HTR2C: variants seen among roughly 807,000 people sequenced by gnomAD.
HTR2C encodes the protein 5-hydroxytryptamine (serotonin) receptor 2C, G protein-coupled.
In HTR2C, 5 loss-of-function variants were observed where a neutral mutation model predicts 21.0. That is an observed-to-expected ratio of 0.24 (90% confidence interval 0.12 to 0.50). The LOEUF is 0.50. Ranked by LOEUF, HTR2C falls within the 20% of genes least tolerant of loss-of-function variation. The probability of loss-of-function intolerance (pLI) is 0.98; values close to 1 mark genes in which losing one functional copy is unlikely to be tolerated. For synonymous variants in HTR2C, 150 were observed against 145.3 expected, an observed-to-expected ratio of 1.03 and a Z score of -0.23; for missense variants, 271 against 371.2, an observed-to-expected ratio of 0.73 and a Z score of 2.22.
rs782225457 is a variant in HTR2C at position 114,615,186 on chromosome X, A to G, written c.-80+1305A>G. 1.3e-4 allele frequency among the ~76,000 whole-genome samples: 14 copies of G among 111,842 alleles called. No individual in the cohort carries two copies. In the South Asian group the frequency reaches 4.8e-3, roughly 39 times the overall value. On this transcript the variant is annotated intron_variant, in intron 2 of 5. Transcript: ENST00000276198. ...TCAAAAATAAAAGAAATAAGAAAAC[A>G]GTGATTTGACATCAAGACAGTTGCA...
chrX:114,598,646 G>T (rs922658630), intron 1 of HTR2C, among the ~76,000 whole-genome samples: 1 of 111,147 alleles, frequency 9.0e-6, no homozygotes, highest in African/African-American at 3.3e-5. Context: ...AAAATTAATA[G>T]TCCAAATACC....
intron 5 of HTR2C, among the ~76,000 whole-genome samples, chrX:114,880,687 AGTC>A (rs1326664242): frequency 4.5e-5 from 5 of 111,462 alleles, no homozygotes; most frequent in Non-Finnish European, 7.6e-5. Flanking sequence ...TGTAATATGT[AGTC>A]TTACGTGATT....
intron 5 of HTR2C, among the ~76,000 whole-genome samples, chrX:114,883,111 A>C (rs2071194603): frequency 9.1e-6 from 1 of 110,027 alleles, no homozygotes; most frequent in African/African-American, 3.3e-5. Flanking sequence ...CTTTCTAAAA[A>C]TTTGACCATT....
chrX:114,653,481 G>A lies in HTR2C; in HGVS notation c.-80+39600G>A, dbSNP rs186159084. Among the ~76,000 whole-genome samples, 26 of 110,216 alleles carry A rather than the reference G, an allele frequency of 2.4e-4. No individual in the cohort carries two copies. In the East Asian group the frequency reaches 6.3e-3, roughly 27 times the overall value. Reference sequence around the variant, plus strand: ...GTGTTAGGAGAAAAGCAAACTGATTGTCCCACCCAAAATATTTATGCCTGT... The same window carrying A: ...GTGTTAGGAGAAAAGCAAACTGATTATCCCACCCAAAATATTTATGCCTGT... On this transcript the variant is annotated intron_variant, in intron 2 of 5. Transcript: ENST00000276198.
chrX:114,623,185 T>C (rs1929232022), intron 2 of HTR2C, among the ~76,000 whole-genome samples: 1 of 112,100 alleles, frequency 8.9e-6, no homozygotes, highest in South Asian at 3.7e-4. Flanking sequence ...CTGGTTATTA[T>C]TACCTATATT....
chrX:114,866,957 A>AG (rs35625302), intron 5 of HTR2C, among the ~76,000 whole-genome samples: 1 of 110,838 alleles, frequency 9.0e-6, no homozygotes, highest in African/African-American at 3.3e-5. Flanking sequence ...CAATGCTGCA[A>AG]AAACATAGAA....
intron 5 of HTR2C, among the ~76,000 whole-genome samples, chrX:114,900,753 C>T (rs1293801708): frequency 1.8e-5 from 2 of 112,025 alleles, no homozygotes; most frequent in Non-Finnish European, 3.8e-5. Context: ...TTTTGTATCA[C>T]TATTTATTAT....
intron 5 of HTR2C, among the ~76,000 whole-genome samples, chrX:114,873,701 T>C (rs782144040): frequency 8.9e-6 from 1 of 111,775 alleles, no homozygotes; most frequent in Non-Finnish European, 1.9e-5. Context: ...GTGTACACTG[T>C]GATGATTTGA....
intron 4 of HTR2C, among the ~76,000 whole-genome samples, chrX:114,752,501 G>A (rs782686802): frequency 1.3e-4 from 14 of 110,834 alleles, no homozygotes; most frequent in African/African-American, 4.6e-4. Context: ...GAATTTTAAG[G>A]CTCATGATCA....
At chrX:114,897,164 C>A (rs2147532559) in intron 5 of HTR2C, among the ~76,000 whole-genome samples, 1 of 111,966 alleles carries the variant, frequency 8.9e-6, no homozygotes, top group Admixed American at 9.5e-5. Context: ...CAAGCCTGTT[C>A]TTTTTGTTAA....
intron 2 of HTR2C, among the ~76,000 whole-genome samples, chrX:114,614,884 T>G (rs1467579866): frequency 5.4e-5 from 6 of 111,868 alleles, no homozygotes; most frequent in Middle Eastern, 4.3e-3. Context: ...GACTCCAGAC[T>G]GCATGGGGAA....
intron 2 of HTR2C, among the ~76,000 whole-genome samples, chrX:114,676,453 A>G (rs1556412710): frequency 8.9e-6 from 1 of 112,176 alleles, no homozygotes; most frequent in Non-Finnish European, 1.9e-5. Flanking sequence ...TGAGGTAAAA[A>G]AAAAAGGACT....
At chrX:114,666,350 G>A (rs782317233) in intron 2 of HTR2C, among the ~76,000 whole-genome samples, 23 of 111,791 alleles carry the variant, frequency 2.1e-4, no homozygotes, top group African/African-American at 6.5e-4. Context: ...AGGTGCAATC[G>A]TCACAAAAAT....
At chrX:114,804,688 A>T (rs2070384651) in intron 4 of HTR2C, among the ~76,000 whole-genome samples, 2 of 111,705 alleles carry the variant, frequency 1.8e-5, no homozygotes, top group Admixed American at 1.9e-4. Context: ...TTTGCCCCAT[A>T]GCATCCTGTG....
rs782632667 is a variant in HTR2C, at chrX:114,619,563, C to G, written c.-80+5682C>G. 5.6e-4 allele frequency among the ~76,000 whole-genome samples: 62 copies of G among 111,102 alleles called. 1 individual carries two copies. The highest frequency in any genetic ancestry group is 1.9e-3 in the Admixed American group (20 of 10,315). ...TCACAGGGCCTTGCCAGAAATTGTG[C>G]CTTCTGTTGTGAATACTACCTTGCA... is the stretch of plus-strand genomic sequence containing the variant. On this transcript the variant is annotated intron_variant, in intron 2 of 5. Coordinates refer to ENST00000276198, the MANE Select transcript of HTR2C (RefSeq NM_000868.4).
rs889574704 is a variant in HTR2C at position 114,672,401 on chromosome X, C to T, written c.-79-54457C>T. Among the ~76,000 whole-genome samples the T allele has an allele frequency of 4.5e-5, 5 of 110,326 alleles. No homozygotes were observed. The Admixed American group carries it at 4.9e-4, about 11-fold the overall frequency. On this transcript the variant is annotated intron_variant, in intron 2 of 5. Transcript: ENST00000276198. ...TGAGACTGAGTCTCAAAAAAAAAAT[C>T]GTATTTCACACCACTTAGATAAAAT... is the stretch of plus-strand genomic sequence containing the variant.
chrX:114,680,165 A>G (rs1556413340), intron 2 of HTR2C, among the ~76,000 whole-genome samples: 1 of 112,307 alleles, frequency 8.9e-6, no homozygotes, highest in South Asian at 3.6e-4. Context: ...TCTAATACCC[A>G]TGAAGTTTCT....
intron 1 of HTR2C, among the ~76,000 whole-genome samples, chrX:114,608,882 A>C (rs1556397932): frequency 2.7e-5 from 3 of 111,941 alleles, no homozygotes; most frequent in African/African-American, 9.7e-5. Flanking sequence ...TCCAGAGAAG[A>C]GGCATTTACC....
intron 4 of HTR2C, among the ~76,000 whole-genome samples, chrX:114,758,550 G>T (rs868906926): frequency 1.8e-5 from 2 of 111,509 alleles, no homozygotes; most frequent in Non-Finnish European, 3.8e-5. Flanking sequence ...AACAGAATGA[G>T]AACCTGTCTC....
Sources: allele counts gnomAD v4.1 joint callset (sites outside exome capture counted in the v4.1 genomes callset), GRCh38; gene constraint gnomAD v4.1.1; transcripts MANE v1.5; gene names NCBI Gene and HGNC (gene_info 2026-07-23, HGNC 2026-07-21).